HSD17B12: variants seen among roughly 807,000 people sequenced by gnomAD.
HSD17B12 encodes very-long-chain 3-oxoacyl-CoA reductase.
A neutral mutation model predicts 39.3 loss-of-function variants in HSD17B12; 32 were observed. The observed-to-expected ratio is 0.81, with a 90% CI of 0.61 to 1.09. The LOEUF (loss-of-function observed/expected upper bound fraction) is 1.09, where lower values mean the gene tolerates loss of function less well. Ranked by LOEUF, HSD17B12 falls within the 50% of genes least tolerant of loss-of-function variation. HSD17B12 has a pLI of 0.00. For synonymous variants in HSD17B12, 150 were observed against 146.7 expected (o/e 1.02, Z -0.16); for missense variants, 342 against 382.9 (o/e 0.89, Z 0.89).
upstream of HSD17B12, among the ~76,000 whole-genome samples, chr11:43,679,013 C>A (rs765805749): frequency 5.1e-4 from 78 of 152,152 alleles, no homozygotes; most frequent in Non-Finnish European, 1.0e-3. Flanking sequence ...TGAATCTATA[C>A]ATTACCTTGG....
intron 3 of HSD17B12, among the ~76,000 whole-genome samples, chr11:43,766,434 TTTTG>T (rs1336528948): frequency 2.6e-5 from 4 of 152,202 alleles, no homozygotes; most frequent in African/African-American, 9.7e-5. Context: ...TTTTGTCCAT[TTTTG>T]TTCAGGCTGG....
the HSD17B12 span, among the ~76,000 whole-genome samples, chr11:43,570,944 G>C: frequency 1.3e-5 from 2 of 152,050 alleles, no homozygotes; most frequent in African/African-American, 4.8e-5. Flanking sequence ...TCTCCAATAA[G>C]TACAAAAAAT....
intron 3 of HSD17B12, among the ~76,000 whole-genome samples, chr11:43,782,008 T>G (rs1950770498): frequency 6.6e-6 from 1 of 152,240 alleles, no homozygotes; most frequent in Non-Finnish European, 1.5e-5. Context: ...ATTGTTTCTG[T>G]GGGCACATAT....
intron 1 of HSD17B12, among the ~76,000 whole-genome samples, chr11:43,703,217 C>T (rs931130155): frequency 1.2e-4 from 18 of 151,930 alleles, no homozygotes; most frequent in South Asian, 4.2e-4. Context: ...TTTTTTGAGA[C>T]GGAGTCTCGC....
At chr11:43,588,537 G>A in the HSD17B12 span, among the ~76,000 whole-genome samples, 1 of 151,806 alleles carries the variant, frequency 6.6e-6, no homozygotes, top group South Asian at 2.1e-4. Flanking sequence ...GCTTTGGTGA[G>A]GATTAAATGA....
chr11:43,822,365 G>T (rs1379559727), intron 6 of HSD17B12, among the ~76,000 whole-genome samples: 2 of 151,890 alleles, frequency 1.3e-5, no homozygotes, highest in African/African-American at 4.8e-5. Context: ...AAAGTTTTAG[G>T]GTACATGTGC....
At chr11:43,682,381 TC>T (rs1233446716) in intron 1 of HSD17B12, among the ~76,000 whole-genome samples, 1 of 152,100 alleles carries the variant, frequency 6.6e-6, no homozygotes, top group African/African-American at 2.4e-5. Context: ...TGAAACCCCG[TC>T]TGTACTAAAA....
chr11:43,733,607 T>C (rs186685637), intron 1 of HSD17B12, among the ~76,000 whole-genome samples: 1 of 152,202 alleles, frequency 6.6e-6, no homozygotes, highest in Non-Finnish European at 1.5e-5. Context: ...CAAGGAATGA[T>C]ACACCAAGAA....
the HSD17B12 span, among the ~76,000 whole-genome samples, chr11:43,629,050 C>T: frequency 7.2e-5 from 11 of 152,230 alleles, 1 homozygote; most frequent in South Asian, 1.9e-3. Flanking sequence ...CTTGGCCAAA[C>T]ATGATCCCAT....
At chr11:43,648,733 G>GT in the HSD17B12 span, among the ~76,000 whole-genome samples, 1 of 139,598 alleles carries the variant, frequency 7.2e-6, no homozygotes, top group South Asian at 2.3e-4. Flanking sequence ...AATTTTTTTT[G>GT]TTTTTTTGTT....
intron 4 of HSD17B12, among the ~76,000 whole-genome samples, chr11:43,811,073 C>A (rs1951069138): frequency 6.6e-6 from 1 of 152,176 alleles, no homozygotes; most frequent in Non-Finnish European, 1.5e-5. Flanking sequence ...GTATTTCCAT[C>A]CTTCACTCCT....
the HSD17B12 span, among the ~76,000 whole-genome samples, chr11:43,672,198 GCCA>G: frequency 6.6e-6 from 1 of 152,094 alleles, no homozygotes; most frequent in Non-Finnish European, 1.5e-5. Context: ...ACAGGCGCCC[GCCA>G]CCACGCCCGG....
intron 1 of HSD17B12, among the ~76,000 whole-genome samples, chr11:43,739,997 A>G (rs1431674410): frequency 6.6e-6 from 1 of 152,142 alleles, no homozygotes; most frequent in Non-Finnish European, 1.5e-5. Flanking sequence ...TGAATTGGAG[A>G]GGAGTAAGAA....
chr11:43,703,543 A>G (rs1949986919), intron 1 of HSD17B12, among the ~76,000 whole-genome samples: 1 of 152,016 alleles, frequency 6.6e-6, no homozygotes, highest in Non-Finnish European at 1.5e-5. Flanking sequence ...AACCCATCCA[A>G]TCCTGGGCTT....
At chr11:43,766,443 G>C (rs1379220756) in intron 3 of HSD17B12, among the ~76,000 whole-genome samples, 1 of 152,154 alleles carries the variant, frequency 6.6e-6, no homozygotes, top group Non-Finnish European at 1.5e-5. Flanking sequence ...TTTTTGTTCA[G>C]GCTGGTCAAG....
the HSD17B12 span, among the ~76,000 whole-genome samples, chr11:43,627,364 T>C: frequency 6.6e-6 from 1 of 151,940 alleles, no homozygotes; most frequent in Non-Finnish European, 1.5e-5. Context: ...GAATAGGAGC[T>C]ACAGATAAAA....
chr11:43,710,520 G>A (rs12287652), intron 1 of HSD17B12, among the ~76,000 whole-genome samples: 2,625 of 152,146 alleles, frequency 0.017, 90 homozygotes, highest in African/African-American at 0.06. Context: ...AAATTCTTGA[G>A]GGGAAATGAT....
chr11:43,706,724 T>TGTGTGTGTTGG (rs1204580097), intron 1 of HSD17B12, among the ~76,000 whole-genome samples: 15 of 80,342 alleles, frequency 1.9e-4, no homozygotes, highest in African/African-American at 2.7e-4. Context: ...GTGTGTGTTG[T>TGTGTGTGTTGG]GGGGGGTGGG....
chr11:43,639,064 A>G, the HSD17B12 span, among the ~76,000 whole-genome samples: 1 of 152,252 alleles, frequency 6.6e-6, no homozygotes, highest in African/African-American at 2.4e-5. Flanking sequence ...AATCAAAGAT[A>G]AGATTTTTAT....
Sources: gnomAD v4.1 joint callset for allele counts (sites outside exome capture counted in the v4.1 genomes callset) on GRCh38, gnomAD v4.1.1 for gene constraint, MANE v1.5 for transcripts, NCBI Gene and HGNC (gene_info 2026-07-23, HGNC 2026-07-21) for gene names.